Variants in MEFV observed in about 807,000 individuals in gnomAD.
The protein encoded by MEFV is MEFV innate immunity regulator, pyrin.
MEFV carries 60 observed loss-of-function variants against 62.5 expected under a neutral mutation model. That is an observed-to-expected ratio of 0.96 (90% CI 0.78 to 1.19). MEFV has a LOEUF of 1.19. MEFV is among the 50% of genes most tolerant of loss of function. MEFV has a pLI of 0.00. For synonymous variants in MEFV, 500 were observed against 415.2 expected (o/e 1.20, Z -2.48); for missense variants, 1,169 against 1,004.5 (o/e 1.16, Z -2.21).
rs1301893365 is a variant in MEFV at position 3,254,183 on chromosome 16, A to AG, written c.884dup (p.Gly296TrpfsTer29). On this transcript the variant is annotated frameshift_variant, in exon 2 of 10. Coordinates refer to ENST00000219596, the MANE Select transcript of MEFV (RefSeq NM_000243.3). LOFTEE classifies it high-confidence loss of function. ...CGGTGACCGAATGTTCTGGATTTCCAGGGCCTTCCTTCAGGTCCGCAGATG... is the reference window on the plus strand; with the variant it reads ...CGGTGACCGAATGTTCTGGATTTCCAGGGGCCTTCCTTCAGGTCCGCAGATG... 20 of 1,614,090 alleles carry AG rather than the reference A, an allele frequency of 1.2e-5. No homozygotes were observed. Among genetic ancestry groups the AG allele is most frequent in the Non-Finnish European group, 1.4e-5 (16 of 1,180,040 alleles).
chr16:3,254,481 C>A lies in MEFV; in HGVS notation c.587G>T (p.Gly196Val). The part of the protein sequence containing the change: ...RSPGPCRALE[G>V]GQAEVRLRRN... ...GCGCAGCCGGACCTCGGCCTGGCCC[C>A]CCTCTAGCGCCCTGCAGGGGCCGGG... is the stretch of plus-strand genomic sequence containing the variant. The change falls in exon 2 of 10, where the codon GGG (glycine) becomes GTG (valine). Residue 196 changes from glycine to valine, a missense_variant. Gly to Val is a moderately radical substitution (Grantham distance 109, BLOSUM62 -3). Coordinates refer to ENST00000219596, the MANE Select transcript of MEFV (RefSeq NM_000243.3). The A allele has an allele frequency of 6.3e-7, 1 of 1,584,936 alleles. No individual in the cohort carries two copies. Among genetic ancestry groups the A allele is most frequent in the Non-Finnish European group, 8.6e-7 (1 of 1,167,524 alleles).
At position 3,243,550 on chromosome 16, in the gene MEFV, G is replaced by A. The variant is rs104895107; in HGVS notation, c.1937C>T (p.Pro646Leu). ...GTAACGGCGGCCAGAGAGGAAACTC[G>A]GAGAGCCCAGAACAATGATACAGCT... ...FDSCIIVLGS[P>L]SFLSGRRYWE... Residue 646 changes from proline (P) to leucine (L), a missense_variant, in exon 10 of 10, where the codon CCG becomes CTG. Physicochemically the swap from Pro to Leu is moderately conservative, Grantham distance 98. Transcript: ENST00000219596. 3.9e-5 allele frequency: 63 copies of A among 1,613,318 alleles called. No individual in the cohort carries two copies. Among genetic ancestry groups the A allele is most frequent in the Non-Finnish European group, 5.1e-5 (60 of 1,179,654 alleles).
chr16:3,246,514 C>T lies in MEFV; in HGVS notation c.1610+11G>A, dbSNP rs140183892. The T allele has an allele frequency of 1.4e-5, 22 of 1,614,086 alleles. No homozygotes were observed. In the East Asian group the frequency reaches 4.5e-4, roughly 33 times the overall value. ...AGACACCCCAGGGTACACCACAGGA[C>T]CTCGCTGTACCTGTGCAAGATGTCT... On this transcript the variant is annotated intron_variant, in intron 6 of 9. Transcript: ENST00000219596.
chr16:3,249,825 T>A (rs1213491672), intron 2 of MEFV, 45 bp from the exon 3 acceptor site: 2 of 1,526,850 alleles, frequency 1.3e-6, no homozygotes, highest in Non-Finnish European at 1.8e-6. Flanking sequence ...CAAACCCAAG[T>A]TGCTTACACA....
chr16:3,246,595 T>C (rs768508295), intron 5 of MEFV, 48 bp from the exon 6 acceptor site: 3 of 1,610,200 alleles, frequency 1.9e-6, no homozygotes, highest in Non-Finnish European at 1.7e-6. Flanking sequence ...TCCTAGTGGC[T>C]GGGCTGACTC....
chr16:3,248,628 C>G (rs768663192), intron 4 of MEFV: 4 of 838,600 alleles, frequency 4.8e-6, no homozygotes, highest in Non-Finnish European at 6.7e-6. Context: ...TTTCCTCAAT[C>G]CCATCTTTCT....
chr16:3,244,536 G>C lies in MEFV; in HGVS notation c.1663C>G (p.Gln555Glu), dbSNP rs1255239623. The C allele has an allele frequency of 6.2e-7, 1 of 1,614,146 alleles. No homozygotes were observed. The highest frequency in any genetic ancestry group is 8.5e-7 in the Non-Finnish European group (1 of 1,180,030). ...EKWTTPQEIKQKIQLLHQKSE... is the reference protein window; with the variant it reads ...EKWTTPQEIKEKIQLLHQKSE... ...TTCTGGTGGAGGAGTTGGATCTTTT[G>C]TTTTATCTCTTGAGGAGTGGTCCAC... The change falls in exon 7 of 10, where the codon CAA becomes GAA. Residue 555 changes from glutamine (Q) to glutamate (E), a missense_variant. By Grantham distance (29) the Gln-to-Glu change is conservative (BLOSUM62 2). Transcript: ENST00000219596.
chr16:3,254,403 C>G lies in MEFV; in HGVS notation c.665G>C (p.Gly222Ala). The G allele has an allele frequency of 1.2e-6, 2 of 1,613,162 alleles. No individual in the cohort carries two copies. Among genetic ancestry groups the G allele is most frequent in the Middle Eastern group, 3.3e-4 (2 of 6,034 alleles). ...TTCGAAGGGCCTGCACTCCTTCTGC[C>G]CCGGGGCGCCCCCCGCCAGCCCCTG... ...RLQGLAGGAP[G>A]QKECRPFEVY... The change falls in exon 2 of 10, where the codon GGG becomes GCG. Residue 222 changes from glycine (G) to alanine (A), a missense_variant. Transcript: ENST00000219596.
At chr16:3,246,494 C>A in intron 6 of MEFV, 31 bp downstream of exon 6, 12 of 1,613,876 alleles carry the variant, frequency 7.4e-6, no homozygotes, top group Non-Finnish European at 1.0e-5. Context: ...CTGCAAGACA[C>A]CCCAGGGTAC....
At chr16:3,244,389 G>A in intron 7 of MEFV, 84 bp downstream of exon 7, 2 of 1,598,994 alleles carry the variant, frequency 1.3e-6, no homozygotes, top group South Asian at 1.1e-5. Context: ...CAGGGGAAGA[G>A]GAGGGAAGTG....
At chr16:3,244,189 G>C (rs751508336) in intron 8 of MEFV, 65 bp downstream of exon 8, 1 of 1,611,556 alleles carries the variant, frequency 6.2e-7, no homozygotes, top group South Asian at 1.1e-5. Flanking sequence ...GGCCCCTCAA[G>C]TCAACAGCAC....
At chr16:3,253,807 C>T (rs996979459) in intron 2 of MEFV, among the ~76,000 whole-genome samples, 2 of 152,148 alleles carry the variant, frequency 1.3e-5, no homozygotes, top group African/African-American at 4.8e-5. Flanking sequence ...GCTGGGACTA[C>T]AGGCGCGTGC....
In MEFV at chr16:3,243,023, T is replaced by C; in HGVS notation, c.*118A>G. The stretch of plus-strand genomic sequence containing the variant: ...GGGTAGGCTCCGTGGGCACAGTAAC[T>C]ATTTTGTTATTTTTGCATTTCCCAT... On this transcript the variant is annotated 3_prime_UTR_variant, in exon 10 of 10. Transcript: ENST00000219596. 8.4e-7 allele frequency: 1 copy of C among 1,193,984 alleles called. No individual in the cohort carries two copies. The highest frequency in any genetic ancestry group is 1.2e-6 in the Non-Finnish European group (1 of 820,532). The allele number at this position is 1,193,984 out of a possible 1,614,324, so 74.0% of individuals were successfully genotyped here.
At chr16:3,251,641 C>A (rs188014294) in intron 2 of MEFV, among the ~76,000 whole-genome samples, 1 of 152,274 alleles carries the variant, frequency 6.6e-6, no homozygotes, top group Non-Finnish European at 1.5e-5. Context: ...ATAGGCTTTT[C>A]TTTCTGCTGA....
At chr16:3,245,008 C>A (rs1958918292) in intron 6 of MEFV, among the ~76,000 whole-genome samples, 1 of 152,024 alleles carries the variant, frequency 6.6e-6, no homozygotes, top group Non-Finnish European at 1.5e-5. Context: ...AAAAATAGAC[C>A]AGGTATGGTG....
chr16:3,242,691 T>G lies in MEFV; in HGVS notation c.*450A>C. 1.5e-5 allele frequency: 3 copies of G among 204,006 alleles called. No individual in the cohort carries two copies. The highest frequency in any genetic ancestry group is 1.2e-4 in the South Asian group (2 of 16,014). 12.6% of individuals were successfully genotyped at this position (204,006 alleles called of 1,614,324 possible). On this transcript the variant is annotated 3_prime_UTR_variant, in exon 10 of 10. Transcript: ENST00000219596. ...TGGTCTCAAAAAAAAAAAAAAAAAA[T>G]CATAGTTCATTAATCCAGGTACACA...
chr16:3,243,543 G>T lies in MEFV; in HGVS notation c.1944C>A (p.Phe648Leu). The T allele has an allele frequency of 1.9e-6, 3 of 1,613,652 alleles. No homozygotes were observed. The highest frequency in any genetic ancestry group is 2.5e-6 in the Non-Finnish European group (3 of 1,179,750). Residue 648 changes from phenylalanine to leucine, a missense_variant, in exon 10 of 10, where the codon TTC becomes TTA. Transcript: ENST00000219596. ...SCIIVLGSPS[F>L]LSGRRYWEVE... ...CCTCCCAGTAACGGCGGCCAGAGAG[G>T]AAACTCGGAGAGCCCAGAACAATGA...
rs1398639205 is a variant in MEFV at position 3,247,202 on chromosome 16, C to T, written c.1401G>A (p.Glu467=). The change falls in exon 5 of 10, where the codon GAG becomes GAA. Residue 467 remains glutamate, a synonymous_variant. Coordinates refer to ENST00000219596, the MANE Select transcript of MEFV (RefSeq NM_000243.3). The part of the protein sequence containing the change: ...ALKQRVQRKL[E]QVYYFLEQQE... ...GCTGCTCCAGGAAGTAGTACACCTG[C>T]TCCAGCTTCCTCTGCACCCGCTGCT... 1.2e-6 allele frequency: 2 copies of T among 1,614,208 alleles called. No homozygotes were observed. The highest frequency in any genetic ancestry group is 4.5e-5 in the East Asian group (2 of 44,882).
chr16:3,248,603 G>A (rs1196887799), intron 4 of MEFV: 4 of 569,304 alleles, frequency 7.0e-6, no homozygotes, highest in Non-Finnish European at 1.1e-5. Flanking sequence ...AAAAGAAAGT[G>A]GCGTTCTCCT....
Sources: allele counts gnomAD v4.1 joint callset (sites outside exome capture counted in the v4.1 genomes callset), GRCh38; gene constraint gnomAD v4.1.1; transcripts MANE v1.5; gene names NCBI Gene and HGNC (gene_info 2026-07-23, HGNC 2026-07-21).